The following DDX31 variants were observed in gnomAD, a reference collection of about 807,000 sequenced individuals.
DDX31 encodes DEAD-box helicase 31, also known as ATP-dependent DNA helicase DDX31.
A neutral mutation model predicts 91.3 loss-of-function variants in DDX31; 70 were observed. That is an observed-to-expected ratio of 0.77 (90% CI 0.63 to 0.94). The LOEUF is 0.94. Among genes scored for constraint, DDX31 ranks in the 40% least tolerant of loss-of-function variants. The probability of loss-of-function intolerance (pLI) is 0.00; values close to 1 mark genes in which losing one functional copy is unlikely to be tolerated. For synonymous variants in DDX31, 362 were observed against 350.6 expected (o/e 1.03, Z -0.36); for missense variants, 902 against 925.0 (o/e 0.98, Z 0.32).
intron 7 of DDX31, 137 bp downstream of exon 7, chr9:132,652,311 G>C (rs1395695861): frequency 8.6e-6 from 8 of 927,626 alleles, no homozygotes; most frequent in Non-Finnish European, 1.3e-5. Context: ...GAACCAGAAG[G>C]ATGGTTTCCA....
chr9:132,658,363 A>G (rs1370634812), intron 6 of DDX31: 2 of 703,214 alleles, frequency 2.8e-6, no homozygotes, highest in Non-Finnish European at 5.2e-6. Flanking sequence ...TAATACCTAT[A>G]ACACAGTGGG....
At position 132,652,500 on chromosome 9, in the gene DDX31, C is replaced by T. The variant is rs779296619; in HGVS notation, c.589-8G>A. The stretch of plus-strand genomic sequence containing the variant: ...ATAGGGGCCATCACTGCGCTGTTGA[C>T]ACACAGAAAAAAAATGCCATGAGCA... On this transcript the variant is annotated splice_polypyrimidine_tract_variant and splice_region_variant and intron_variant, in intron 6 of 19. Coordinates refer to ENST00000372159, the MANE Select transcript of DDX31 (RefSeq NM_022779.9). 1.2e-6 allele frequency: 2 copies of T among 1,613,856 alleles called. No individual in the cohort carries two copies. The highest frequency in any genetic ancestry group is 1.7e-6 in the Non-Finnish European group (2 of 1,179,950).
At chr9:132,642,154 C>T in intron 13 of DDX31, 91 bp from the exon 14 acceptor site, 1 of 1,117,342 alleles carries the variant, frequency 8.9e-7, no homozygotes, top group Non-Finnish European at 1.3e-6. Flanking sequence ...CCATCTCCTA[C>T]TGCTAGAGCT....
At chr9:132,646,508 G>C (rs1338405707) in intron 12 of DDX31, among the ~76,000 whole-genome samples, 1 of 152,122 alleles carries the variant, frequency 6.6e-6, no homozygotes, top group Non-Finnish European at 1.5e-5. Flanking sequence ...GACTCTTGGA[G>C]AAACATGAGC....
intron 6 of DDX31, among the ~76,000 whole-genome samples, chr9:132,655,727 T>C (rs891739400): frequency 9.8e-5 from 15 of 152,300 alleles, no homozygotes; most frequent in African/African-American, 3.4e-4. Flanking sequence ...AAGCCAATGG[T>C]GCCTTGCACA....
intron 14 of DDX31, among the ~76,000 whole-genome samples, chr9:132,637,638 G>A (rs1187537112): frequency 6.6e-6 from 1 of 152,230 alleles, no homozygotes; most frequent in Admixed American, 6.5e-5. Flanking sequence ...GCAGGGTCCA[G>A]GCCCCCGTTG....
chr9:132,644,816 C>T (rs144595240), intron 13 of DDX31, among the ~76,000 whole-genome samples: 83 of 152,244 alleles, frequency 5.5e-4, no homozygotes, highest in African/African-American at 1.8e-3. Context: ...AATCAGGGAT[C>T]CAAAGGTAAA....
At chr9:132,651,504 C>T (rs547569224) in intron 7 of DDX31, among the ~76,000 whole-genome samples, 3 of 152,270 alleles carry the variant, frequency 2.0e-5, no homozygotes, top group Non-Finnish European at 4.4e-5. Context: ...GCAGAGTAAA[C>T]CACAATAGTG....
At chr9:132,597,910 G>A (rs1467773656) in intron 19 of DDX31, among the ~76,000 whole-genome samples, 4 of 152,186 alleles carry the variant, frequency 2.6e-5, no homozygotes, top group African/African-American at 9.7e-5. Flanking sequence ...GGAAGAGGAC[G>A]CCGTTCGAAA....
intron 12 of DDX31, 141 bp from the exon 13 acceptor site, chr9:132,646,212 A>G (rs1833831800): frequency 4.5e-6 from 4 of 879,456 alleles, no homozygotes; most frequent in Non-Finnish European, 6.7e-6. Flanking sequence ...TAAAAAAACA[A>G]AAACAAAAAC....
At chr9:132,654,012 A>C (rs536841183) in intron 6 of DDX31, among the ~76,000 whole-genome samples, 1 of 152,180 alleles carries the variant, frequency 6.6e-6, no homozygotes, top group Non-Finnish European at 1.5e-5. Flanking sequence ...AAATAATATA[A>C]GGGCCATTTT....
At chr9:132,646,210 C>A in intron 12 of DDX31, 139 bp from the exon 13 acceptor site, 2 of 867,246 alleles carry the variant, frequency 2.3e-6, no homozygotes, top group Non-Finnish European at 1.7e-6. Context: ...TTTAAAAAAA[C>A]AAAAACAAAA....
chr9:132,603,469 G>C (rs540900403), intron 19 of DDX31, among the ~76,000 whole-genome samples: 2 of 152,306 alleles, frequency 1.3e-5, no homozygotes, highest in Admixed American at 1.3e-4. Context: ...ATTAGAAGAG[G>C]AGAGGAGGTA....
chr9:132,651,326 A>G (rs1834172165), intron 7 of DDX31, among the ~76,000 whole-genome samples: 1 of 152,188 alleles, frequency 6.6e-6, no homozygotes, highest in Non-Finnish European at 1.5e-5. Flanking sequence ...CAACACTTCT[A>G]TTTCTTGGAC....
intron 17 of DDX31, 45 bp downstream of exon 17, chr9:132,625,619 G>A: frequency 6.8e-7 from 1 of 1,468,764 alleles, no homozygotes; most frequent in Non-Finnish European, 9.5e-7. Flanking sequence ...CAAATCAAGT[G>A]AGTCACATCT....
In DDX31 at chr9:132,662,353, A is replaced by G; in HGVS notation, c.333-17T>C. On this transcript the variant is annotated splice_polypyrimidine_tract_variant and intron_variant, in intron 2 of 19. Transcript: ENST00000372159. ...ACCACAGGTCTGCAAATGATGAACAAGAACCCAGGCATCAGTGCCAATATT... is the reference window on the plus strand; with the variant it reads ...ACCACAGGTCTGCAAATGATGAACAGGAACCCAGGCATCAGTGCCAATATT... 1 of 1,614,222 alleles carries G rather than the reference A, an allele frequency of 6.2e-7. No individual in the cohort carries two copies. Among genetic ancestry groups the G allele is most frequent in the Admixed American group, 1.7e-5 (1 of 60,026 alleles).
intron 1 of DDX31, among the ~76,000 whole-genome samples, chr9:132,666,350 A>G (rs181976108): frequency 6.9e-6 from 1 of 144,682 alleles, no homozygotes; most frequent in Admixed American, 6.9e-5. Context: ...TTGATAAGTT[A>G]AAAAAAAAAA....
intron 19 of DDX31, among the ~76,000 whole-genome samples, chr9:132,611,595 G>A (rs1216164096): frequency 6.6e-6 from 1 of 152,002 alleles, no homozygotes; most frequent in African/African-American, 2.4e-5. Context: ...TTTTTGGGAG[G>A]AAAGGGGAAG....
chr9:132,637,362 C>T (rs539719126), intron 14 of DDX31, among the ~76,000 whole-genome samples: 1 of 152,364 alleles, frequency 6.6e-6, no homozygotes, highest in Admixed American at 6.5e-5. Flanking sequence ...CTGAAAGACA[C>T]TCAACGGTGA....
Sources: gnomAD v4.1 joint callset for allele counts (sites outside exome capture counted in the v4.1 genomes callset) on GRCh38, gnomAD v4.1.1 for gene constraint, MANE v1.5 for transcripts, NCBI Gene and HGNC (gene_info 2026-07-23, HGNC 2026-07-21) for gene names.